Variants in CCSER1 observed in about 807,000 individuals in gnomAD.
CCSER1 encodes the protein serine-rich coiled-coil domain-containing protein 1.
CCSER1 carries 41 observed loss-of-function variants against 82.0 expected under a neutral mutation model. The observed-to-expected ratio is 0.50, with a 90% CI of 0.39 to 0.65. CCSER1 has a LOEUF of 0.65. Ranked by LOEUF, CCSER1 falls within the 30% of genes least tolerant of loss-of-function variation. CCSER1 has a pLI of 0.00. For synonymous variants in CCSER1, 414 were observed against 383.9 expected (o/e 1.08, Z -0.92); for missense variants, 1,119 against 1,064.2 (o/e 1.05, Z -0.72).
chr4:90,682,303 A>G (rs931899182), intron 6 of CCSER1, among the ~76,000 whole-genome samples: 3 of 152,020 alleles, frequency 2.0e-5, no homozygotes, highest in African/African-American at 7.2e-5. Context: ...TAGACTTAAA[A>G]TTTATTAGTG....
intron 10 of CCSER1, among the ~76,000 whole-genome samples, chr4:91,119,714 A>C (rs1726923646): frequency 6.6e-6 from 1 of 152,032 alleles, no homozygotes; most frequent in South Asian, 2.1e-4. Flanking sequence ...ACTGTCTTCA[A>C]AATGAATAGA....
chr4:90,974,161 A>G (rs1735382321), intron 9 of CCSER1, among the ~76,000 whole-genome samples: 1 of 151,640 alleles, frequency 6.6e-6, no homozygotes, highest in South Asian at 2.1e-4. Context: ...GACAAGATTT[A>G]ACAATACTGT....
At chr4:91,488,069 A>G (rs955841521) in intron 10 of CCSER1, among the ~76,000 whole-genome samples, 4 of 152,122 alleles carry the variant, frequency 2.6e-5, no homozygotes, top group Admixed American at 2.6e-4. Context: ...AATTTTTCAC[A>G]TGCTTACTAT....
At chr4:91,448,350 C>T (rs1755685442) in intron 10 of CCSER1, among the ~76,000 whole-genome samples, 1 of 152,154 alleles carries the variant, frequency 6.6e-6, no homozygotes, top group African/African-American at 2.4e-5. Flanking sequence ...GATTGTGTAA[C>T]TCAGGGAATT....
At chr4:90,743,987 C>T (rs558426693) in intron 7 of CCSER1, among the ~76,000 whole-genome samples, 1 of 152,274 alleles carries the variant, frequency 6.6e-6, no homozygotes, top group East Asian at 1.9e-4. Context: ...ATTTCTGCTA[C>T]TTTCTTGAAT....
intron 9 of CCSER1, among the ~76,000 whole-genome samples, chr4:91,028,192 T>G (rs1274069571): frequency 2.0e-4 from 31 of 152,044 alleles, no homozygotes; most frequent in Non-Finnish European, 2.9e-5. Context: ...GTATTTATGT[T>G]AAGATATACA....
rs540194845 is a variant in CCSER1 at position 91,411,946 on chromosome 4, G to C, written c.2218-186626G>C. On this transcript the variant is annotated intron_variant, in intron 10 of 10. Coordinates refer to ENST00000509176, the MANE Select transcript of CCSER1 (RefSeq NM_001145065.2). ...CCAGATGGGCCCAGTGTAATCCTTG[G>C]ACCCTGAAAGGCAGATGAGGGGGAA... is the stretch of plus-strand genomic sequence containing the variant. 2.6e-5 allele frequency among the ~76,000 whole-genome samples: 4 copies of C among 152,124 alleles called. No homozygotes were observed. In the South Asian group the frequency reaches 8.3e-4, roughly 32 times the overall value.
intron 10 of CCSER1, among the ~76,000 whole-genome samples, chr4:91,346,573 C>T (rs1748077664): frequency 6.6e-6 from 1 of 152,080 alleles, no homozygotes; most frequent in Non-Finnish European, 1.5e-5. Flanking sequence ...AACTGTCTTC[C>T]AAAGTGGCTG....
rs549472425 is a variant in CCSER1, at chr4:90,904,667, G to C, written c.2095-18703G>C. On this transcript the variant is annotated intron_variant, in intron 8 of 10. Transcript: ENST00000509176. Reference sequence around the variant, plus strand: ...TGTATGTGTGACGGGAGCAATAAGGGGGGGCCTGGTCAGAAAAGTAGCATG... The same window carrying C: ...TGTATGTGTGACGGGAGCAATAAGGCGGGGCCTGGTCAGAAAAGTAGCATG... Among the ~76,000 whole-genome samples the C allele has an allele frequency of 3.3e-5, 5 of 152,136 alleles. No individual in the cohort carries two copies. The East Asian group carries it at 9.7e-4, about 29-fold the overall frequency.
intron 6 of CCSER1, among the ~76,000 whole-genome samples, chr4:90,645,403 C>T (rs1458413702): frequency 6.6e-6 from 1 of 152,110 alleles, no homozygotes; most frequent in East Asian, 1.9e-4. Flanking sequence ...CTATTTGAAG[C>T]CAAACAATTT....
chr4:91,021,612 G>A (rs1018272759), intron 9 of CCSER1, among the ~76,000 whole-genome samples: 5 of 151,974 alleles, frequency 3.3e-5, no homozygotes, highest in African/African-American at 1.2e-4. Flanking sequence ...AATATTTTAT[G>A]ATTTTCCATT....
At chr4:90,704,974 G>A (rs139735557) in intron 6 of CCSER1, among the ~76,000 whole-genome samples, 7,805 of 152,190 alleles carry the variant, frequency 0.051, 462 homozygotes, top group African/African-American at 0.14. Context: ...TTCTCAACTC[G>A]TCAAAGTCAT....
intron 10 of CCSER1, among the ~76,000 whole-genome samples, chr4:91,200,701 C>T (rs946134647): frequency 2.6e-5 from 4 of 151,864 alleles, no homozygotes; most frequent in African/African-American, 4.8e-5. Context: ...ATGATTTGTA[C>T]GCGTTTGGAA....
Position 90,720,580 on chromosome 4 carries a change from C to G in CCSER1, c.1933-3334C>G, listed in dbSNP as rs114031093. On this transcript the variant is annotated intron_variant, in intron 6 of 10. Coordinates refer to ENST00000509176, the MANE Select transcript of CCSER1 (RefSeq NM_001145065.2). The stretch of plus-strand genomic sequence containing the variant: ...ATTTAATAGAGTGAAAACGGAGCTC[C>G]CATACAAAGGGAGGGGATCCAAAGA... Among the ~76,000 whole-genome samples the G allele has an allele frequency of 4.0e-3, 614 of 151,900 alleles. 4 individuals are homozygous for G. The highest frequency in any genetic ancestry group is 0.014 in the African/African-American group (589 of 41,468).
chr4:90,151,337 A>G (rs182678851), intron 1 of CCSER1, among the ~76,000 whole-genome samples: 36 of 152,136 alleles, frequency 2.4e-4, no homozygotes, highest in African/African-American at 8.4e-4. Context: ...ATAAAGATAT[A>G]TGTATCAATT....
intron 6 of CCSER1, among the ~76,000 whole-genome samples, chr4:90,673,456 G>A (rs1019984672): frequency 6.6e-6 from 1 of 151,772 alleles, no homozygotes; most frequent in Non-Finnish European, 1.5e-5. Flanking sequence ...TTTGTTGGGC[G>A]GCCACTTATC....
At chr4:90,481,401 C>A (rs1765935468) in intron 5 of CCSER1, among the ~76,000 whole-genome samples, 2 of 152,144 alleles carry the variant, frequency 1.3e-5, no homozygotes, top group Admixed American at 6.6e-5. Context: ...GAACTTCCAA[C>A]ACTATGCTGA....
At chr4:91,398,070 A>T (rs560284977) in intron 10 of CCSER1, among the ~76,000 whole-genome samples, 19 of 152,008 alleles carry the variant, frequency 1.2e-4, no homozygotes, top group African/African-American at 2.4e-4. Context: ...TATTTTTTTT[A>T]AAACTTTTTG....
At chr4:90,333,462 A>C (rs1217876393) in intron 3 of CCSER1, among the ~76,000 whole-genome samples, 1 of 152,232 alleles carries the variant, frequency 6.6e-6, no homozygotes, top group Non-Finnish European at 1.5e-5. Flanking sequence ...CCAAGAAAAA[A>C]ATCAGAAGAA....
Sources: allele counts gnomAD v4.1 joint callset (sites outside exome capture counted in the v4.1 genomes callset), GRCh38; gene constraint gnomAD v4.1.1; transcripts MANE v1.5; gene names NCBI Gene and HGNC (gene_info 2026-07-23, HGNC 2026-07-21).